CLIC5: variants seen among roughly 807,000 people sequenced by gnomAD.
The protein encoded by CLIC5 is chloride intracellular channel protein 5.
CLIC5 carries 20 observed loss-of-function variants against 24.7 expected under a neutral mutation model. The ratio of observed to expected loss-of-function variants is 0.81; its 90% confidence interval spans 0.57 to 1.18. The LOEUF is 1.18. Ranked by LOEUF, CLIC5 falls within the 50% of genes most tolerant of loss-of-function variation. CLIC5 has a pLI of 0.00. For synonymous variants in CLIC5, 159 were observed against 135.6 expected, an observed-to-expected ratio of 1.17 and a Z score of -1.20; for missense variants, 341 against 326.1, an observed-to-expected ratio of 1.05 and a Z score of -0.35.
At chr6:46,060,188 C>T (rs1381880812) in intron 1 of CLIC5, among the ~76,000 whole-genome samples, 1 of 152,128 alleles carries the variant, frequency 6.6e-6, no homozygotes, top group Admixed American at 6.5e-5. Context: ...TATGGTGAAG[C>T]AGATCCTGTC....
chr6:46,066,669 C>T (rs1053221183), intron 1 of CLIC5, among the ~76,000 whole-genome samples: 8 of 152,096 alleles, frequency 5.3e-5, no homozygotes, highest in Non-Finnish European at 1.2e-4. Context: ...CCTTGTGGAG[C>T]TTTCAGTCTT....
chr6:46,116,116 T>C, the CLIC5 span, among the ~76,000 whole-genome samples: 1 of 152,108 alleles, frequency 6.6e-6, no homozygotes, highest in Non-Finnish European at 1.5e-5. Context: ...GTCTTTAGGG[T>C]ATAACCATTA....
At chr6:45,961,194 A>C (rs548929953) in intron 1 of CLIC5, among the ~76,000 whole-genome samples, 1 of 152,354 alleles carries the variant, frequency 6.6e-6, no homozygotes, top group South Asian at 2.1e-4. Flanking sequence ...TAATTAAGTC[A>C]CCACTTACGT....
the CLIC5 span, among the ~76,000 whole-genome samples, chr6:46,124,854 G>A: frequency 1.2e-3 from 177 of 152,324 alleles, no homozygotes; most frequent in Non-Finnish European, 2.2e-3. Context: ...CATCAGAGAA[G>A]TGCAAATCAA....
chr6:45,925,345 C>T (rs1456926908), intron 4 of CLIC5, among the ~76,000 whole-genome samples: 2 of 142,490 alleles, frequency 1.4e-5, no homozygotes, highest in East Asian at 2.1e-4. Flanking sequence ...GAGATAGAGT[C>T]TCGCTCTGTC....
At chr6:46,127,887 A>C in the CLIC5 span, among the ~76,000 whole-genome samples, 1 of 152,210 alleles carries the variant, frequency 6.6e-6, no homozygotes, top group Admixed American at 6.5e-5. Context: ...GAAGTGAAAA[A>C]TGAATTACAT....
chr6:46,046,147 G>A (rs530713822), intron 1 of CLIC5, among the ~76,000 whole-genome samples: 6 of 152,320 alleles, frequency 3.9e-5, no homozygotes, highest in African/African-American at 1.4e-4. Flanking sequence ...CTAGATTCCA[G>A]AGATGAAACT....
At chr6:45,930,693 C>A (rs534139483) in intron 4 of CLIC5, among the ~76,000 whole-genome samples, 1 of 152,216 alleles carries the variant, frequency 6.6e-6, no homozygotes, top group East Asian at 1.9e-4. Flanking sequence ...GGTATGGAGG[C>A]GGGGGGAGCA....
rs369389039 is a variant in CLIC5, at chr6:45,901,563, A to G, written c.*1525T>C. 1.3e-5 allele frequency: 2 copies of G among 152,082 alleles called. No individual in the cohort carries two copies. Among genetic ancestry groups the G allele is most frequent in the African/African-American group, 4.8e-5 (2 of 41,394 alleles). 9.4% of individuals were successfully genotyped at this position (152,082 alleles called of 1,614,324 possible). A position where few individuals can be genotyped will look rare whatever the true frequency, so the allele number is the denominator to read the frequency against. The stretch of plus-strand genomic sequence containing the variant: ...TGGGAGCCTCACCCTTTACCAGCGA[A>G]CACTATAGAAGGGGGATTGTTGAAG... On this transcript the variant is annotated 3_prime_UTR_variant, in exon 6 of 6. Coordinates refer to ENST00000339561, the MANE Select transcript of CLIC5 (RefSeq NM_016929.5).
intron 4 of CLIC5, among the ~76,000 whole-genome samples, chr6:45,931,291 G>T (rs1394305802): frequency 6.6e-6 from 1 of 152,208 alleles, no homozygotes; most frequent in East Asian, 1.9e-4. Flanking sequence ...ATGAGGAAGA[G>T]CTACCTGTTT....
At chr6:45,957,998 G>A (rs1014530466) in intron 1 of CLIC5, among the ~76,000 whole-genome samples, 9 of 152,112 alleles carry the variant, frequency 5.9e-5, no homozygotes, top group Non-Finnish European at 2.9e-5. Context: ...AGTGTCCTAG[G>A]TTGAATCATG....
At chr6:45,959,956 T>C (rs1764792989) in intron 1 of CLIC5, among the ~76,000 whole-genome samples, 1 of 152,162 alleles carries the variant, frequency 6.6e-6, no homozygotes, top group Admixed American at 6.5e-5. Flanking sequence ...GACTGGCTAG[T>C]CACACTTATA....
At chr6:45,923,326 T>C (rs1763349585) in intron 4 of CLIC5, among the ~76,000 whole-genome samples, 1 of 152,236 alleles carries the variant, frequency 6.6e-6, no homozygotes, top group African/African-American at 2.4e-5. Flanking sequence ...AGTCATCCGT[T>C]CCAGCGTTTA....
At chr6:46,061,061 G>T (rs1039860190) in intron 1 of CLIC5, among the ~76,000 whole-genome samples, 2 of 152,190 alleles carry the variant, frequency 1.3e-5, no homozygotes, top group Non-Finnish European at 2.9e-5. Context: ...ACATAGGAAG[G>T]AATAGGCAAT....
chr6:46,003,352 G>A (rs961829968), intron 1 of CLIC5, among the ~76,000 whole-genome samples: 3 of 151,984 alleles, frequency 2.0e-5, no homozygotes, highest in East Asian at 1.9e-4. Context: ...TTCCATCCCC[G>A]CTATCTCTTT....
chr6:45,889,109 T>C (rs1193273854), intron 6 of CLIC5, among the ~76,000 whole-genome samples: 2 of 152,170 alleles, frequency 1.3e-5, no homozygotes, highest in South Asian at 4.1e-4. Flanking sequence ...TATAACAAAA[T>C]GTCATCAGCT....
chr6:46,117,827 T>G, the CLIC5 span, among the ~76,000 whole-genome samples: 1 of 152,230 alleles, frequency 6.6e-6, no homozygotes, highest in South Asian at 2.1e-4. Flanking sequence ...TTTCACATTT[T>G]AATGTCTCTG....
chr6:46,061,591 G>A (rs978661221), intron 1 of CLIC5, among the ~76,000 whole-genome samples: 5 of 152,150 alleles, frequency 3.3e-5, no homozygotes, highest in Non-Finnish European at 5.9e-5. Context: ...AGACTAGAGG[G>A]GCAACATCCT....
intron 1 of CLIC5, among the ~76,000 whole-genome samples, chr6:45,960,619 A>C (rs1006997859): frequency 2.0e-5 from 3 of 151,924 alleles, no homozygotes; most frequent in Non-Finnish European, 4.4e-5. Context: ...CCTTCCCAGC[A>C]CTCTTGACAC....
Sources: allele counts gnomAD v4.1 joint callset (sites outside exome capture counted in the v4.1 genomes callset), GRCh38; gene constraint gnomAD v4.1.1; transcripts MANE v1.5; gene names NCBI Gene and HGNC (gene_info 2026-07-23, HGNC 2026-07-21).